Variants in WDFY3 observed in about 807,000 individuals in gnomAD.
The protein encoded by WDFY3 is WD repeat and FYVE domain containing 3, also known as WD repeat and FYVE domain-containing protein 3.
A neutral mutation model predicts 409.6 loss-of-function variants in WDFY3; 66 were observed. The observed-to-expected ratio is 0.16, with a 90% confidence interval of 0.13 to 0.20. The LOEUF is 0.20. Ranked by LOEUF, WDFY3 falls within the 10% of genes least tolerant of loss-of-function variation. The pLI, the probability that WDFY3 is intolerant of heterozygous loss-of-function variation, is 1.00. For synonymous variants in WDFY3, 1,521 were observed against 1,537.1 expected, an observed-to-expected ratio of 0.99 and a Z score of 0.25; for missense variants, 3,031 against 4,298.1, an observed-to-expected ratio of 0.71 and a Z score of 8.24.
intron 54 of WDFY3, 83 bp downstream of exon 54, chr4:84,705,311 G>C: frequency 1.0e-6 from 1 of 992,278 alleles, no homozygotes; most frequent in South Asian, 1.4e-5. Context: ...ATTTGAAGGA[G>C]GATGTAGGAA....
intron 14 of WDFY3, chr4:84,809,134 C>T (rs995778802): frequency 2.0e-5 from 3 of 152,206 alleles, no homozygotes; most frequent in Non-Finnish European, 4.4e-5. Context: ...GTGACATCTT[C>T]ATTGAAAACA....
intron 23 of WDFY3, among the ~76,000 whole-genome samples, chr4:84,786,717 T>C (rs1435338626): frequency 6.6e-6 from 1 of 152,192 alleles, no homozygotes; most frequent in Non-Finnish European, 1.5e-5. Context: ...TAACTCACAG[T>C]GTTTTGAGAT....
At chr4:84,833,532 G>A (rs1756070092) in intron 7 of WDFY3, among the ~76,000 whole-genome samples, 1 of 151,956 alleles carries the variant, frequency 6.6e-6, no homozygotes, top group Admixed American at 6.6e-5. Context: ...AGCTAGGCAT[G>A]GTGGCAAGTT....
intron 1 of WDFY3, among the ~76,000 whole-genome samples, chr4:84,954,260 C>T (rs1014273219): frequency 2.6e-5 from 4 of 152,164 alleles, no homozygotes; most frequent in African/African-American, 9.7e-5. Context: ...TTAGTCCCTA[C>T]TCATTACACA....
At chr4:84,786,896 T>C (rs1188164779) in intron 23 of WDFY3, among the ~76,000 whole-genome samples, 3 of 152,180 alleles carry the variant, frequency 2.0e-5, no homozygotes, top group African/African-American at 4.8e-5. Context: ...ATTTACAATA[T>C]ACTTGTCCTA....
chr4:84,768,670 T>C (rs993630054), intron 30 of WDFY3, among the ~76,000 whole-genome samples: 5 of 152,192 alleles, frequency 3.3e-5, no homozygotes, highest in African/African-American at 1.2e-4. Context: ...CACCTAGCCA[T>C]CCAAGAGCTC....
chr4:84,726,573 T>C (rs557105132), intron 45 of WDFY3, among the ~76,000 whole-genome samples: 1 of 152,126 alleles, frequency 6.6e-6, no homozygotes, highest in Non-Finnish European at 1.5e-5. Flanking sequence ...TTAGTTTATG[T>C]GTGAAGCAAA....
Position 84,765,890 on chromosome 4 carries a change from TTG to T in WDFY3, c.5106_5107del (p.Lys1703ValfsTer2). On this transcript the variant is annotated frameshift_variant, in exon 32 of 68. Coordinates refer to ENST00000295888, the MANE Select transcript of WDFY3 (RefSeq NM_014991.6). LOFTEE classifies it high-confidence loss of function. ...TCCACCACTGAGTCCTTCTTTAAACTTGATGAGAATAGACTGATTACTTAGTA... is the reference window on the plus strand; with the variant it reads ...TCCACCACTGAGTCCTTCTTTAAACTATGAGAATAGACTGATTACTTAGTA... 1 of 1,613,938 alleles carries T rather than the reference TTG, an allele frequency of 6.2e-7. No individual in the cohort carries two copies. The highest frequency in any genetic ancestry group is 8.5e-7 in the Non-Finnish European group (1 of 1,179,940).
intron 3 of WDFY3, among the ~76,000 whole-genome samples, chr4:84,867,941 C>T (rs1486989714): frequency 1.3e-5 from 2 of 151,842 alleles, no homozygotes; most frequent in African/African-American, 2.4e-5. Flanking sequence ...GAGGTCAAGG[C>T]GGGCAGATCA....
At chr4:84,833,493 A>G (rs1444327043) in intron 7 of WDFY3, among the ~76,000 whole-genome samples, 3 of 152,024 alleles carry the variant, frequency 2.0e-5, no homozygotes, top group South Asian at 2.1e-4. Flanking sequence ...CCTGGGCAAC[A>G]TGGTAAAACT....
At chr4:84,798,330 G>A (rs546292754) in intron 17 of WDFY3, among the ~76,000 whole-genome samples, 5 of 151,250 alleles carry the variant, frequency 3.3e-5, no homozygotes, top group African/African-American at 4.9e-5. Flanking sequence ...TTATTCCTTC[G>A]TTGAGAATAT....
chr4:84,763,191 A>C (rs904941315), intron 32 of WDFY3, among the ~76,000 whole-genome samples: 1 of 152,174 alleles, frequency 6.6e-6, no homozygotes, highest in African/African-American at 2.4e-5. Context: ...AAAGATTTTT[A>C]TGGCAGCCAT....
At chr4:84,737,809 T>TG (rs1278456893) in intron 40 of WDFY3, among the ~76,000 whole-genome samples, 8 of 152,214 alleles carry the variant, frequency 5.3e-5, no homozygotes, top group African/African-American at 1.9e-4. Context: ...TTGGATTCCT[T>TG]GTTTGTATGC....
chr4:84,686,189 C>T (rs139841276), intron 62 of WDFY3, among the ~76,000 whole-genome samples: 4,998 of 152,120 alleles, frequency 0.033, 84 homozygotes, highest in South Asian at 0.05. Flanking sequence ...ACCTGTAATC[C>T]CAGCTACTCA....
Position 84,705,785 on chromosome 4 carries a change from T to C in WDFY3, c.8218-274A>G, listed in dbSNP as rs531084062. Among the ~76,000 whole-genome samples the C allele has an allele frequency of 3.6e-4, 55 of 152,240 alleles. No individual in the cohort carries two copies. In the South Asian group the frequency reaches 0.011, roughly 31 times the overall value. ...CAGAGGAAGCCACTCAGGATCCAGG[T>C]TTAGGGGATGAGGATTAAGAGGGAA... On this transcript the variant is annotated intron_variant, in intron 53 of 67. Coordinates refer to ENST00000295888, the MANE Select transcript of WDFY3 (RefSeq NM_014991.6).
chr4:84,733,625 C>A lies in WDFY3; in HGVS notation c.6994-16G>T. On this transcript the variant is annotated splice_polypyrimidine_tract_variant and intron_variant, in intron 43 of 67. Coordinates refer to ENST00000295888, the MANE Select transcript of WDFY3 (RefSeq NM_014991.6). ...TCTGCTGACGCTGACAGGAAAGAGT[C>A]CAGGTCGGTTTTCAAGCAAAAGCAG... The A allele has an allele frequency of 6.3e-7, 1 of 1,589,938 alleles. No homozygotes were observed. The highest frequency in any genetic ancestry group is 8.6e-7 in the Non-Finnish European group (1 of 1,167,772).
chr4:84,689,284 T>TA (rs1271792132), intron 61 of WDFY3, among the ~76,000 whole-genome samples: 1 of 152,156 alleles, frequency 6.6e-6, no homozygotes, highest in Non-Finnish European at 1.5e-5. Flanking sequence ...GTGCATAATA[T>TA]AAAAAAAGAG....
At chr4:84,846,458 G>T (rs1188207077) in intron 5 of WDFY3, among the ~76,000 whole-genome samples, 2 of 151,664 alleles carry the variant, frequency 1.3e-5, no homozygotes, top group Non-Finnish European at 2.9e-5. Context: ...CTAAAAAATT[G>T]CCCTGTGGAT....
chr4:84,939,056 A>G (rs1050842677), intron 1 of WDFY3, among the ~76,000 whole-genome samples: 4 of 152,170 alleles, frequency 2.6e-5, no homozygotes, highest in Admixed American at 1.3e-4. Context: ...CCCATTCAGT[A>G]TAAGATCCAG....
Sources: allele counts gnomAD v4.1 joint callset (sites outside exome capture counted in the v4.1 genomes callset), GRCh38; gene constraint gnomAD v4.1.1; transcripts MANE v1.5; gene names NCBI Gene and HGNC (gene_info 2026-07-23, HGNC 2026-07-21).